NR2F1-AS1: variants seen among roughly 807,000 people sequenced by gnomAD.
NR2F1-AS1 encodes the protein NR2F1 regulatory antisense RNA 1.
chr5:93,532,779 G>T (rs1200407577), intron 4 of NR2F1-AS1, among the ~76,000 whole-genome samples: 3 of 152,170 alleles, frequency 2.0e-5, no homozygotes, highest in Non-Finnish European at 4.4e-5. Context: ...GCTGAAATCA[G>T]TATTGGATTA....
At chr5:93,414,718 T>C (rs1334481830) in intron 4 of NR2F1-AS1, among the ~76,000 whole-genome samples, 5 of 152,232 alleles carry the variant, frequency 3.3e-5, no homozygotes, top group Non-Finnish European at 7.4e-5. Flanking sequence ...CCATGGGCTG[T>C]TACTTGCCTT....
intron 4 of NR2F1-AS1, among the ~76,000 whole-genome samples, chr5:93,477,399 T>C (rs1277441552): frequency 6.6e-6 from 1 of 152,190 alleles, no homozygotes; most frequent in Non-Finnish European, 1.5e-5. Context: ...AAAGGGTTTT[T>C]CAAGGAAAGT....
intron 1 of NR2F1-AS1, among the ~76,000 whole-genome samples, chr5:93,574,422 T>G (rs557910730): frequency 6.6e-6 from 1 of 152,122 alleles, no homozygotes; most frequent in East Asian, 1.9e-4. Context: ...AGAAAGCGAC[T>G]GGGTTCTCAA....
At chr5:93,438,552 C>T (rs993496507) in intron 4 of NR2F1-AS1, among the ~76,000 whole-genome samples, 5 of 152,186 alleles carry the variant, frequency 3.3e-5, no homozygotes, top group Non-Finnish European at 7.3e-5. Context: ...TCCTCTCTTA[C>T]GTAGATGCTT....
intron 2 of NR2F1-AS1, among the ~76,000 whole-genome samples, chr5:93,561,340 A>G (rs1752483300): frequency 6.6e-6 from 1 of 152,252 alleles, no homozygotes; most frequent in Non-Finnish European, 1.5e-5. Context: ...TGTGCAAGAG[A>G]TAACTATTCT....
At chr5:93,539,709 T>C (rs1314517524) in intron 4 of NR2F1-AS1, among the ~76,000 whole-genome samples, 1 of 152,146 alleles carries the variant, frequency 6.6e-6, no homozygotes, top group Non-Finnish European at 1.5e-5. Flanking sequence ...GTAAGGTAAC[T>C]ATGGTTAACA....
intron 4 of NR2F1-AS1, among the ~76,000 whole-genome samples, chr5:93,431,437 G>C (rs1364554377): frequency 2.0e-5 from 3 of 152,136 alleles, no homozygotes; most frequent in Non-Finnish European, 2.9e-5. Flanking sequence ...TTTAAGTGTT[G>C]AGACATTAAA....
rs188110143 is a variant in NR2F1-AS1 at position 93,476,531 on chromosome 5, G to A, written n.638+77230C>T. Among the ~76,000 whole-genome samples the A allele has an allele frequency of 1.9e-3, 294 of 152,228 alleles. 2 individuals carry two copies. Among genetic ancestry groups the A allele is most frequent in the African/African-American group, 6.8e-3 (283 of 41,538 alleles). Reference sequence around the variant, plus strand: ...TGCTAATTGACAGTTCCTGTGAAATGGTTCTAATTAAAGTCAATATGTCTT... The same window carrying A: ...TGCTAATTGACAGTTCCTGTGAAATAGTTCTAATTAAAGTCAATATGTCTT... On this transcript the variant is annotated intron_variant and non_coding_transcript_variant, in intron 4 of 5. Transcript: ENST00000660523.
chr5:93,568,333 C>T lies in NR2F1-AS1; in HGVS notation n.314-4870G>A, dbSNP rs1752663865. ...CTAAGTATATTTATTTATACTTTTA[C>T]AAAAGCCTATGTATTTAAATTTATT... is the stretch of plus-strand genomic sequence containing the variant. On this transcript the variant is annotated intron_variant and non_coding_transcript_variant, in intron 1 of 5. Transcript: ENST00000660523. 2.0e-5 allele frequency among the ~76,000 whole-genome samples: 3 copies of T among 152,066 alleles called. No homozygotes were observed. The South Asian group carries it at 6.2e-4, about 31-fold the overall frequency.
chr5:93,443,420 G>A (rs938172254), intron 4 of NR2F1-AS1, among the ~76,000 whole-genome samples: 7 of 152,132 alleles, frequency 4.6e-5, no homozygotes, highest in Admixed American at 1.3e-4. Flanking sequence ...TTCTGTAGCC[G>A]ATTCGTTCAA....
In NR2F1-AS1 at chr5:93,520,667, A is replaced by T. The variant is rs1258542536; in HGVS notation, n.638+33094T>A. Among the ~76,000 whole-genome samples the T allele has an allele frequency of 2.0e-5, 3 of 152,124 alleles. No individual in the cohort carries two copies. In the East Asian group the frequency reaches 5.8e-4, roughly 29 times the overall value. On this transcript the variant is annotated intron_variant and non_coding_transcript_variant, in intron 4 of 5. Transcript: ENST00000660523. ...ACCAGATATGGTAGAGACTCTAATG[A>T]ATCCAAATAAATTCTCGTCTTCCAT...
intron 4 of NR2F1-AS1, among the ~76,000 whole-genome samples, chr5:93,504,255 G>C (rs930109405): frequency 8.5e-5 from 13 of 152,104 alleles, no homozygotes; most frequent in Non-Finnish European, 5.9e-5. Context: ...AGTCATTTAA[G>C]CTTAAAACTG....
intron 1 of NR2F1-AS1, among the ~76,000 whole-genome samples, chr5:93,566,187 A>C (rs1483482617): frequency 1.3e-5 from 2 of 152,008 alleles, no homozygotes; most frequent in Admixed American, 6.6e-5. Context: ...CATTCAGCAA[A>C]ATATATTTAC....
chr5:93,494,804 G>C (rs766099017), intron 4 of NR2F1-AS1, among the ~76,000 whole-genome samples: 3 of 152,120 alleles, frequency 2.0e-5, no homozygotes, highest in Admixed American at 2.0e-4. Context: ...AATGTTTATA[G>C]CAGTATTATT....
At chr5:93,446,146 A>T (rs1749700309) in intron 4 of NR2F1-AS1, among the ~76,000 whole-genome samples, 2 of 152,338 alleles carry the variant, frequency 1.3e-5, no homozygotes, top group African/African-American at 4.8e-5. Flanking sequence ...GGCATAAGAC[A>T]GGGATGCCCT....
chr5:93,564,832 T>C (rs905374844), intron 1 of NR2F1-AS1, among the ~76,000 whole-genome samples: 5 of 152,184 alleles, frequency 3.3e-5, no homozygotes, highest in African/African-American at 1.2e-4. Context: ...GAAAACCTCA[T>C]TATATCTAAA....
intron 1 of NR2F1-AS1, among the ~76,000 whole-genome samples, chr5:93,566,118 A>C (rs1396092299): frequency 4.6e-5 from 7 of 152,016 alleles, no homozygotes; most frequent in Non-Finnish European, 8.8e-5. Context: ...CATAGAACCT[A>C]TGTGTAAAAA....
chr5:93,573,359 G>T (rs1415795243), intron 1 of NR2F1-AS1, among the ~76,000 whole-genome samples: 1 of 152,192 alleles, frequency 6.6e-6, no homozygotes. Context: ...ATTCGGGACG[G>T]AAACGTAGCG....
intron 4 of NR2F1-AS1, among the ~76,000 whole-genome samples, chr5:93,544,558 CTAATCT>C (rs754011278): frequency 2.0e-5 from 3 of 152,052 alleles, no homozygotes; most frequent in Non-Finnish European, 4.4e-5. Context: ...ATATGAAATC[CTAATCT>C]TAAAGTCTTA....
Sources: gnomAD v4.1 joint callset for allele counts (sites outside exome capture counted in the v4.1 genomes callset) on GRCh38, gnomAD v4.1.1 for gene constraint, MANE v1.5 for transcripts, NCBI Gene and HGNC (gene_info 2026-07-23, HGNC 2026-07-21) for gene names.